The following ASTN2 variants were observed in gnomAD, a reference collection of about 807,000 sequenced individuals.
ASTN2 encodes astrotactin 2, also known as astrotactin-2.
ASTN2 carries 54 observed loss-of-function variants against 139.8 expected under a neutral mutation model. The observed-to-expected ratio is 0.39, with a 90% confidence interval of 0.31 to 0.48. ASTN2 has a LOEUF of 0.48. ASTN2 is among the 20% of genes least tolerant of loss of function. ASTN2 has a pLI of 0.95. For missense variants in ASTN2, 1,565 were observed against 1,725.1 expected, an observed-to-expected ratio of 0.91 and a Z score of 1.64; for synonymous variants, 756 against 719.5, an observed-to-expected ratio of 1.05 and a Z score of -0.81.
In ASTN2 at chr9:117,366,074, C is replaced by T. The variant is rs1256908888; in HGVS notation, c.442+48423G>A. On this transcript the variant is annotated intron_variant, in intron 1 of 22. Coordinates refer to ENST00000313400, the MANE Select transcript of ASTN2 (RefSeq NM_001365068.1). Reference sequence around the variant, plus strand: ...CTTGTAAACTCCTTGAGGGCAGAGGCCTTGTCTCACTCATCTTGCAAAACC... The same window carrying T: ...CTTGTAAACTCCTTGAGGGCAGAGGTCTTGTCTCACTCATCTTGCAAAACC... Among the ~76,000 whole-genome samples, 5 of 152,262 alleles carry T rather than the reference C, an allele frequency of 3.3e-5. No individual in the cohort carries two copies. The East Asian group carries it at 5.8e-4, about 18-fold the overall frequency.
intron 12 of ASTN2, among the ~76,000 whole-genome samples, chr9:116,818,198 T>C (rs570430900): frequency 5.9e-5 from 9 of 152,352 alleles, no homozygotes; most frequent in Admixed American, 3.3e-4. Context: ...CTGCTATTAT[T>C]AACCTGGTTG....
intron 19 of ASTN2, among the ~76,000 whole-genome samples, chr9:116,532,912 C>A (rs1851422216): frequency 1.3e-5 from 2 of 152,162 alleles, no homozygotes; most frequent in Non-Finnish European, 2.9e-5. Context: ...TCATTGGTAG[C>A]TTGCTGGGGA....
chr9:117,365,817 T>C (rs1304167848), intron 1 of ASTN2, among the ~76,000 whole-genome samples: 1 of 152,202 alleles, frequency 6.6e-6, no homozygotes, highest in Non-Finnish European at 1.5e-5. Context: ...CAGCTTGTAT[T>C]GGACAGTGGA....
chr9:116,432,049 G>A (rs552222826), intron 22 of ASTN2, among the ~76,000 whole-genome samples: 4 of 152,256 alleles, frequency 2.6e-5, no homozygotes, highest in East Asian at 1.9e-4. Context: ...CGTAGCAGGC[G>A]TTTGTCATTG....
chr9:116,694,802 C>G lies in ASTN2; in HGVS notation c.2806+30969G>C, dbSNP rs550931339. On this transcript the variant is annotated intron_variant, in intron 16 of 22. Coordinates refer to ENST00000313400, the MANE Select transcript of ASTN2 (RefSeq NM_001365068.1). ...TGTAATTTCTATCAGTATGTCTATG[C>G]TATTGCCCCTAGACACTTGGCATTT... 2.0e-5 allele frequency among the ~76,000 whole-genome samples: 3 copies of G among 152,076 alleles called. No individual in the cohort carries two copies. In the South Asian group the frequency reaches 6.2e-4, roughly 32 times the overall value.
intron 17 of ASTN2, among the ~76,000 whole-genome samples, chr9:116,630,004 T>C (rs1885244): frequency 0.69 from 105,267 of 152,074 alleles, 37,049 homozygotes; most frequent in African/African-American, 0.82. Context: ...AGCTCCCATC[T>C]ATCTCACATA....
chr9:116,589,473 G>C (rs1854291570), intron 19 of ASTN2, among the ~76,000 whole-genome samples: 1 of 152,174 alleles, frequency 6.6e-6, no homozygotes, highest in Non-Finnish European at 1.5e-5. Context: ...GGTTCCTAAT[G>C]AGTTGTGGAG....
chr9:116,568,262 G>T (rs1381656983), intron 19 of ASTN2, among the ~76,000 whole-genome samples: 6 of 152,206 alleles, frequency 3.9e-5, no homozygotes, highest in Non-Finnish European at 8.8e-5. Context: ...TTGGGACAAG[G>T]ATGCTTTGCA....
At chr9:116,994,961 G>T (rs905784275) in intron 7 of ASTN2, among the ~76,000 whole-genome samples, 2 of 152,130 alleles carry the variant, frequency 1.3e-5, no homozygotes, top group African/African-American at 4.8e-5. Flanking sequence ...TCCAAGGATT[G>T]CCATGTTGAT....
intron 19 of ASTN2, among the ~76,000 whole-genome samples, chr9:116,537,251 G>A (rs1395646866): frequency 6.6e-6 from 1 of 152,212 alleles, no homozygotes; most frequent in Non-Finnish European, 1.5e-5. Context: ...GCTGTAGACT[G>A]GAGCTGTTCC....
intron 16 of ASTN2, among the ~76,000 whole-genome samples, chr9:116,713,418 T>C (rs1828223962): frequency 1.3e-5 from 2 of 152,040 alleles, no homozygotes; most frequent in Admixed American, 1.3e-4. Context: ...AATGGTGAAG[T>C]TGATCTCTAA....
chr9:117,072,677 G>C (rs1034753203), intron 5 of ASTN2, among the ~76,000 whole-genome samples: 1 of 152,174 alleles, frequency 6.6e-6, no homozygotes, highest in Non-Finnish European at 1.5e-5. Context: ...GAGTGGAATG[G>C]TGGCTCCTGG....
Position 117,016,658 on chromosome 9 carries a change from C to CATATATAGGTTATATATATATGTTA in ASTN2, c.1424-8400_1424-8399insTAACATATATATATAACCTATATAT. Reference sequence around the variant, plus strand: ...TATATATATATATATATATATATAACCTATATATATGTTACATATATATAG... The same window carrying CATATATAGGTTATATATATATGTTA: ...TATATATATATATATATATATATAACATATATAGGTTATATATATATGTTACTATATATATGTTACATATATATAG... On this transcript the variant is annotated intron_variant, in intron 6 of 22. Transcript: ENST00000313400. 2.7e-3 allele frequency among the ~76,000 whole-genome samples: 29 copies of CATATATAGGTTATATATATATGTTA among 10,608 alleles called. 4 individuals are homozygous for CATATATAGGTTATATATATATGTTA. The highest frequency in any genetic ancestry group is 6.0e-3 in the African/African-American group (29 of 4,838). 7.0% of individuals were successfully genotyped at this position (10,608 alleles called of 152,430 possible). A position where few individuals can be genotyped will look rare whatever the true frequency, so the allele number is the denominator to read the frequency against.
At chr9:117,377,470 G>A (rs1226442837) in intron 1 of ASTN2, among the ~76,000 whole-genome samples, 1 of 152,110 alleles carries the variant, frequency 6.6e-6, no homozygotes, top group East Asian at 1.9e-4. Flanking sequence ...ACCCATAAAC[G>A]TCCCATGCAT....
rs78754893 is a variant in ASTN2 at position 116,621,554 on chromosome 9, C to T, written c.3073-1111G>A. Among the ~76,000 whole-genome samples the T allele has an allele frequency of 0.019, 2,886 of 152,114 alleles. 393 individuals carry two copies. In the South Asian group the frequency reaches 0.29, roughly 15 times the overall value. On this transcript the variant is annotated intron_variant, in intron 17 of 22. Coordinates refer to ENST00000313400, the MANE Select transcript of ASTN2 (RefSeq NM_001365068.1). ...GGAAACATTCTCTTCTCTGGAAAGC[C>T]CACCCTAACTTTCTTAAGTCTAGAA... is the stretch of plus-strand genomic sequence containing the variant.
At chr9:117,394,347 T>G (rs1033103140) in intron 1 of ASTN2, among the ~76,000 whole-genome samples, 1 of 152,136 alleles carries the variant, frequency 6.6e-6, no homozygotes, top group East Asian at 1.9e-4. Flanking sequence ...TTATAAAAAT[T>G]AAGTAAAATT....
chr9:116,934,435 T>C (rs1405359732), intron 10 of ASTN2, among the ~76,000 whole-genome samples: 2 of 152,152 alleles, frequency 1.3e-5, no homozygotes, highest in Non-Finnish European at 2.9e-5. Flanking sequence ...GGAAGCATAA[T>C]GAAGCTAGGA....
intron 1 of ASTN2, among the ~76,000 whole-genome samples, chr9:117,335,630 A>G (rs1178471976): frequency 6.6e-6 from 1 of 152,190 alleles, no homozygotes; most frequent in Non-Finnish European, 1.5e-5. Flanking sequence ...GGGGAAATCA[A>G]GGTCCCATAA....
chr9:116,472,772 T>TTGGTGG (rs1848853552), intron 20 of ASTN2, among the ~76,000 whole-genome samples: 1 of 151,416 alleles, frequency 6.6e-6, no homozygotes, highest in East Asian at 1.9e-4. Flanking sequence ...AATAGCCATG[T>TTGGTGG]TGGTGGTGGC....
Sources: allele counts gnomAD v4.1 joint callset (sites outside exome capture counted in the v4.1 genomes callset), GRCh38; gene constraint gnomAD v4.1.1; transcripts MANE v1.5; gene names NCBI Gene and HGNC (gene_info 2026-07-23, HGNC 2026-07-21).